HADH: variants seen among roughly 807,000 people sequenced by gnomAD.
HADH encodes the protein hydroxyacyl-CoA dehydrogenase.
In HADH, 24 loss-of-function variants were observed where a neutral mutation model predicts 32.2. The ratio of observed to expected loss-of-function variants is 0.75; its 90% CI spans 0.54 to 1.05. The LOEUF (loss-of-function observed/expected upper bound fraction) is 1.05, where lower values mean the gene tolerates loss of function less well. HADH is among the 50% of genes least tolerant of loss of function. HADH has a pLI of 0.00. For synonymous variants in HADH, 139 were observed against 152.5 expected, an observed-to-expected ratio of 0.91 and a Z score of 0.65; for missense variants, 350 against 397.1, an observed-to-expected ratio of 0.88 and a Z score of 1.01.
chr4:108,010,669 A>G (rs984951188), intron 2 of HADH, among the ~76,000 whole-genome samples: 1 of 152,166 alleles, frequency 6.6e-6, no homozygotes, highest in Non-Finnish European at 1.5e-5. Context: ...TTATTATGGT[A>G]GAATATATAA....
chr4:108,028,712 AG>A (rs1256622299), intron 6 of HADH: 1 of 396,108 alleles, frequency 2.5e-6, no homozygotes, highest in Non-Finnish European at 4.4e-6. Flanking sequence ...AAGAAAGCAC[AG>A]AGCATTTTAC....
At chr4:108,019,851 T>C (rs141985921) in intron 4 of HADH, among the ~76,000 whole-genome samples, 185 bp downstream of exon 4, 244 of 152,340 alleles carry the variant, frequency 1.6e-3, no homozygotes, top group African/African-American at 5.7e-3. Flanking sequence ...CCCTGTGTCT[T>C]GCTTAGTGAT....
At chr4:107,991,453 G>A (rs1734807430) in intron 1 of HADH, among the ~76,000 whole-genome samples, 1 of 151,788 alleles carries the variant, frequency 6.6e-6, no homozygotes. Context: ...CTTCTCCTTG[G>A]CAAGTTTTTT....
intron 2 of HADH, among the ~76,000 whole-genome samples, chr4:108,011,625 T>C (rs1334002545): frequency 6.6e-6 from 1 of 152,216 alleles, no homozygotes; most frequent in Non-Finnish European, 1.5e-5. Context: ...TGCTATTGGT[T>C]TGGAGTCTCT....
intron 3 of HADH, among the ~76,000 whole-genome samples, chr4:108,016,710 G>T (rs1560732324): frequency 6.6e-6 from 1 of 152,212 alleles, no homozygotes; most frequent in Non-Finnish European, 1.5e-5. Context: ...GCCTGGTGCT[G>T]ACCCCCTCAC....
intron 1 of HADH, among the ~76,000 whole-genome samples, chr4:107,992,645 C>T (rs1447339902): frequency 6.6e-6 from 1 of 152,146 alleles, no homozygotes; most frequent in Non-Finnish European, 1.5e-5. Flanking sequence ...CTCTGTGTCT[C>T]GGTTTTCTCA....
chr4:108,021,182 A>G (rs1735873825), intron 4 of HADH, among the ~76,000 whole-genome samples: 1 of 152,206 alleles, frequency 6.6e-6, no homozygotes, highest in South Asian at 2.1e-4. Context: ...TGCATTTCCA[A>G]CATTTCAGTA....
At chr4:108,024,962 C>T (rs1431402997) in intron 5 of HADH, 1 of 152,144 alleles carries the variant, frequency 6.6e-6, no homozygotes, top group Non-Finnish European at 1.5e-5. Context: ...TTCAGAGGGT[C>T]TTTCTGGGTC....
intron 1 of HADH, among the ~76,000 whole-genome samples, chr4:108,005,836 C>T (rs908883408): frequency 9.2e-5 from 14 of 152,096 alleles, no homozygotes; most frequent in African/African-American, 3.4e-4. Context: ...GAGTCTTTCA[C>T]GGAATTTCTT....
At chr4:108,003,269 G>T (rs976014724) in intron 1 of HADH, among the ~76,000 whole-genome samples, 4 of 152,162 alleles carry the variant, frequency 2.6e-5, no homozygotes, top group South Asian at 4.1e-4. Context: ...CTTGCTGGGG[G>T]AAGAAGGCTG....
chr4:108,003,494 A>G (rs1412462105), intron 1 of HADH, among the ~76,000 whole-genome samples: 2 of 152,160 alleles, frequency 1.3e-5, no homozygotes, highest in East Asian at 3.9e-4. Flanking sequence ...AACTCCAACT[A>G]TAGGCTTGTT....
rs1736387999 is a variant in HADH at position 108,034,409 on chromosome 4, G to C, written c.*52G>C. On this transcript the variant is annotated 3_prime_UTR_variant, in exon 8 of 8. Transcript: ENST00000309522. ...AACACCTGAGAGCGCTTTCCAGCCA[G>C]TGCCCCGAGTGCCTGTGGGAATGCT... 1 of 959,896 alleles carries C rather than the reference G, an allele frequency of 1.0e-6. No individual in the cohort carries two copies. The highest frequency in any genetic ancestry group is 1.3e-5 in the South Asian group (1 of 77,632). 59.5% of individuals were successfully genotyped at this position (959,896 alleles called of 1,614,324 possible). A position where few individuals can be genotyped will look rare whatever the true frequency, so the allele number is the denominator to read the frequency against.
chr4:107,997,041 A>G (rs942353990), intron 1 of HADH, among the ~76,000 whole-genome samples: 17 of 152,216 alleles, frequency 1.1e-4, no homozygotes, highest in Non-Finnish European at 2.1e-4. Flanking sequence ...AGAGACAATC[A>G]TAAACCCAGA....
chr4:107,991,475 AT>A (rs1734808529), intron 1 of HADH, among the ~76,000 whole-genome samples: 2 of 152,118 alleles, frequency 1.3e-5, no homozygotes, highest in African/African-American at 4.8e-5. Flanking sequence ...CAACGTTTTT[AT>A]TTGATTGCAT....
At chr4:108,007,607 G>A (rs1404626170) in intron 1 of HADH, among the ~76,000 whole-genome samples, 3 of 152,230 alleles carry the variant, frequency 2.0e-5, no homozygotes, top group Non-Finnish European at 4.4e-5. Flanking sequence ...AAGTTGTGCA[G>A]TTTTTAATGG....
At chr4:108,032,346 T>C (rs1449593962) in intron 6 of HADH, 2 of 1,602,154 alleles carry the variant, frequency 1.2e-6, no homozygotes, top group East Asian at 4.5e-5. Flanking sequence ...CGTGTGGTGA[T>C]TCTAACTCGG....
intron 4 of HADH, among the ~76,000 whole-genome samples, chr4:108,023,168 A>AT: frequency 6.6e-6 from 1 of 151,994 alleles, no homozygotes; most frequent in South Asian, 2.1e-4. Flanking sequence ...TAATTTTTGT[A>AT]TTTTTAGTAG....
intron 1 of HADH, among the ~76,000 whole-genome samples, chr4:108,000,429 G>A (rs375262302): frequency 6.6e-6 from 1 of 152,070 alleles, no homozygotes; most frequent in Non-Finnish European, 1.5e-5. Flanking sequence ...TTCTGAAATC[G>A]GTGAGATTCT....
intron 2 of HADH, among the ~76,000 whole-genome samples, chr4:108,014,024 C>G (rs1451808632): frequency 6.6e-6 from 1 of 152,152 alleles, no homozygotes; most frequent in Non-Finnish European, 1.5e-5. Flanking sequence ...CTGTGGAAAC[C>G]TGGAGTCACA....
Sources: gnomAD v4.1 joint callset for allele counts (sites outside exome capture counted in the v4.1 genomes callset) on GRCh38, gnomAD v4.1.1 for gene constraint, MANE v1.5 for transcripts, NCBI Gene and HGNC (gene_info 2026-07-23, HGNC 2026-07-21) for gene names.